Variants in SULF1 observed in about 807,000 individuals in gnomAD.
SULF1 encodes the protein extracellular sulfatase Sulf-1.
Under a neutral mutation model 110.5 loss-of-function variants are expected in SULF1, and 46 were observed. That is an observed-to-expected ratio of 0.42 (90% CI 0.33 to 0.53). SULF1 has a LOEUF of 0.53. Among genes scored for constraint, SULF1 ranks in the 20% least tolerant of loss-of-function variants. The pLI, the probability that SULF1 is intolerant of heterozygous loss-of-function variation, is 0.12. For synonymous variants in SULF1, 371 were observed against 387.1 expected (o/e 0.96, Z 0.49); for missense variants, 941 against 1,094.2 (o/e 0.86, Z 1.98).
intron 3 of SULF1, among the ~76,000 whole-genome samples, chr8:69,510,507 G>A (rs1013935715): frequency 3.3e-5 from 5 of 152,130 alleles, no homozygotes; most frequent in African/African-American, 1.2e-4. Context: ...TTAACAATTA[G>A]TAAAGTGCTT....
chr8:69,658,315 T>C (rs181477769), intron 22 of SULF1, among the ~76,000 whole-genome samples, 190 bp from the exon 23 acceptor site: 8 of 152,326 alleles, frequency 5.3e-5, no homozygotes, highest in East Asian at 3.9e-4. Context: ...ATCTTTTTTT[T>C]CCCCAATTTT....
intron 3 of SULF1, among the ~76,000 whole-genome samples, chr8:69,502,834 C>A (rs1323784363): frequency 6.6e-6 from 1 of 151,728 alleles, no homozygotes; most frequent in African/African-American, 2.4e-5. Flanking sequence ...ATTACAGGCG[C>A]CTGCCACCAC....
intron 13 of SULF1, among the ~76,000 whole-genome samples, chr8:69,605,139 C>A (rs1227679865): frequency 6.6e-6 from 1 of 152,172 alleles, no homozygotes; most frequent in Non-Finnish European, 1.5e-5. Context: ...TGGGCTCCCT[C>A]CAGTTAAAAA....
chr8:69,538,712 A>G (rs921622059), intron 3 of SULF1, among the ~76,000 whole-genome samples: 3 of 150,440 alleles, frequency 2.0e-5, no homozygotes, highest in Non-Finnish European at 4.4e-5. Flanking sequence ...TGTTTTTTTG[A>G]GACGGAGTCT....
intron 1 of SULF1, among the ~76,000 whole-genome samples, chr8:69,477,910 G>A (rs1208987465): frequency 6.6e-6 from 1 of 151,992 alleles, no homozygotes; most frequent in African/African-American, 2.4e-5. Flanking sequence ...CAGGCAGGGT[G>A]CAGTGGTGTG....
At chr8:69,525,663 G>A (rs774237709) in intron 3 of SULF1, among the ~76,000 whole-genome samples, 17 of 152,146 alleles carry the variant, frequency 1.1e-4, no homozygotes, top group Non-Finnish European at 1.9e-4. Context: ...GGATTTCGTG[G>A]ACTTCATCTG....
chr8:69,479,130 A>C (rs963860851), intron 1 of SULF1, among the ~76,000 whole-genome samples: 2 of 152,192 alleles, frequency 1.3e-5, no homozygotes, highest in Non-Finnish European at 2.9e-5. Context: ...TCAAATAGAC[A>C]ATAGGCCAAC....
chr8:69,519,984 A>G (rs908932700), intron 3 of SULF1, among the ~76,000 whole-genome samples: 3 of 152,146 alleles, frequency 2.0e-5, no homozygotes, highest in Non-Finnish European at 4.4e-5. Flanking sequence ...GAGGTTTCGT[A>G]TAAGAAATAT....
intron 13 of SULF1, among the ~76,000 whole-genome samples, chr8:69,612,309 A>G (rs1294819336): frequency 6.6e-6 from 1 of 152,166 alleles, no homozygotes; most frequent in East Asian, 1.9e-4. Context: ...GCTGCTATAA[A>G]CATGCCTATG....
intron 2 of SULF1, among the ~76,000 whole-genome samples, chr8:69,496,973 A>C (rs1487168092): frequency 1.3e-5 from 2 of 152,004 alleles, no homozygotes; most frequent in Non-Finnish European, 2.9e-5. Context: ...GCCCCATGTC[A>C]ATTGTGTATG....
intron 3 of SULF1, among the ~76,000 whole-genome samples, chr8:69,519,028 T>TA (rs2150606869): frequency 6.6e-6 from 1 of 152,324 alleles, no homozygotes; most frequent in East Asian, 1.9e-4. Context: ...TAGTGGAGCA[T>TA]ACATTACTTG....
At chr8:69,526,840 AGGG>A (rs1391655932) in intron 3 of SULF1, among the ~76,000 whole-genome samples, 42 of 142,740 alleles carry the variant, frequency 2.9e-4, no homozygotes, top group African/African-American at 1.2e-3. Context: ...GAAGGAAGGA[AGGG>A]AGGAAGGAAG....
At chr8:69,592,811 G>A (rs904230438) in intron 8 of SULF1, 5 of 504,330 alleles carry the variant, frequency 9.9e-6, no homozygotes, top group Non-Finnish European at 1.3e-5. Context: ...TTTAGGGGAA[G>A]CAGTGAGAGA....
intron 1 of SULF1, among the ~76,000 whole-genome samples, chr8:69,485,123 T>C (rs1164472221): frequency 6.6e-6 from 1 of 152,142 alleles, no homozygotes; most frequent in African/African-American, 2.4e-5. Flanking sequence ...GCAACCTCCT[T>C]CTTCTAACCC....
Position 69,616,229 on chromosome 8 carries a change from TA to T in SULF1, c.1378-4805del, listed in dbSNP as rs200481483. Among the ~76,000 whole-genome samples the T allele has an allele frequency of 4.4e-3, 549 of 125,282 alleles. 35 individuals are homozygous for T. Among genetic ancestry groups the T allele is most frequent in the African/African-American group, 0.015 (440 of 28,704 alleles). The allele number at this position is 125,282 out of a possible 152,430, so 82.2% of individuals were successfully genotyped here. A position where few individuals can be genotyped will look rare whatever the true frequency, so the allele number is the denominator to read the frequency against. Reference sequence around the variant, plus strand: ...GTGTGTGTATATATATATATATATATATTTTTTTGAGACGGAGTCTTGCTCT... The same window carrying T: ...GTGTGTGTATATATATATATATATATTTTTTTTGAGACGGAGTCTTGCTCT... On this transcript the variant is annotated intron_variant, in intron 13 of 22. Coordinates refer to ENST00000402687, the MANE Select transcript of SULF1 (RefSeq NM_001128205.2).
rs947781846 is a variant in SULF1 at position 69,500,032 on chromosome 8, A to C, written c.-228-1842A>C. ...CTCCCAAAGTGCTGGGATTATAGGC[A>C]TGAGCCACCTCACCTGGCCTACACA... On this transcript the variant is annotated intron_variant, in intron 2 of 22. Coordinates refer to ENST00000402687, the MANE Select transcript of SULF1 (RefSeq NM_001128205.2). Among the ~76,000 whole-genome samples, 18 of 152,298 alleles carry C rather than the reference A, an allele frequency of 1.2e-4. No individual in the cohort carries two copies. In the South Asian group the frequency reaches 3.5e-3, roughly 30 times the overall value.
At chr8:69,649,068 C>A (rs540149851) in intron 22 of SULF1, among the ~76,000 whole-genome samples, 1 of 152,302 alleles carries the variant, frequency 6.6e-6, no homozygotes, top group South Asian at 2.1e-4. Flanking sequence ...GAATAAACAG[C>A]TTCCAAACGA....
chr8:69,599,066 G>A (rs1238404833), intron 8 of SULF1, among the ~76,000 whole-genome samples: 1 of 152,074 alleles, frequency 6.6e-6, no homozygotes, highest in Non-Finnish European at 1.5e-5. Flanking sequence ...AGTGTCCCAG[G>A]GTATCACCGT....
chr8:69,655,607 A>G (rs1379719664), intron 22 of SULF1, among the ~76,000 whole-genome samples: 1 of 152,060 alleles, frequency 6.6e-6, no homozygotes, highest in Non-Finnish European at 1.5e-5. Flanking sequence ...GGGTTTCACC[A>G]TGCTGGTCAG....
Sources: allele counts gnomAD v4.1 joint callset (sites outside exome capture counted in the v4.1 genomes callset), GRCh38; gene constraint gnomAD v4.1.1; transcripts MANE v1.5; gene names NCBI Gene and HGNC (gene_info 2026-07-23, HGNC 2026-07-21).